THSD7B: variants seen among roughly 807,000 people sequenced by gnomAD.
THSD7B encodes thrombospondin type 1 domain containing 7B, also known as thrombospondin type-1 domain-containing protein 7B.
In THSD7B, 138 loss-of-function variants were observed where a neutral mutation model predicts 213.6. The ratio of observed to expected loss-of-function variants is 0.65; its 90% CI spans 0.56 to 0.74. The LOEUF (loss-of-function observed/expected upper bound fraction) is 0.74, where lower values mean the gene tolerates loss of function less well. Among genes scored for constraint, THSD7B ranks in the 30% least tolerant of loss-of-function variants. The pLI is 0.00. For missense variants in THSD7B, 1,931 were observed against 1,991.5 expected, an observed-to-expected ratio of 0.97 and a Z score of 0.58; for synonymous variants, 742 against 687.0, an observed-to-expected ratio of 1.08 and a Z score of -1.25.
intron 4 of THSD7B, among the ~76,000 whole-genome samples, chr2:137,095,814 G>C (rs1331733722): frequency 1.3e-5 from 2 of 152,086 alleles, no homozygotes; most frequent in African/African-American, 4.8e-5. Context: ...TCCCATCTCA[G>C]CCTCTCGAGT....
chr2:136,946,157 C>T (rs1304047587), intron 2 of THSD7B, among the ~76,000 whole-genome samples: 1 of 152,092 alleles, frequency 6.6e-6, no homozygotes, highest in East Asian at 1.9e-4. Context: ...TGTGGATGTC[C>T]TTTTTGTTGA....
intron 12 of THSD7B, among the ~76,000 whole-genome samples, chr2:137,364,603 AAC>A (rs1246243888): frequency 2.0e-5 from 3 of 151,826 alleles, no homozygotes; most frequent in African/African-American, 7.2e-5. Flanking sequence ...AGCAATGACA[AAC>A]AGAGAGCCAA....
intron 2 of THSD7B, among the ~76,000 whole-genome samples, chr2:136,919,056 T>C (rs1244130690): frequency 6.6e-6 from 1 of 152,212 alleles, no homozygotes; most frequent in Non-Finnish European, 1.5e-5. Flanking sequence ...TGGTTCTAGT[T>C]CCTTAAATTG....
At chr2:137,232,851 C>CAAGAA in intron 8 of THSD7B, 48 bp from the exon 9 acceptor site, 1 of 1,571,208 alleles carries the variant, frequency 6.4e-7, no homozygotes, top group Non-Finnish European at 8.7e-7. Flanking sequence ...ACAACAAAAA[C>CAAGAA]AAGAACAGCA....
At chr2:137,370,236 C>CTCAT (rs1311890259) in intron 12 of THSD7B, among the ~76,000 whole-genome samples, 2 of 152,000 alleles carry the variant, frequency 1.3e-5, no homozygotes, top group African/African-American at 4.8e-5. Flanking sequence ...GTTTTATTCA[C>CTCAT]TCATTCATTC....
intron 1 of THSD7B, among the ~76,000 whole-genome samples, chr2:136,861,294 A>G (rs1349459266): frequency 6.6e-6 from 1 of 152,138 alleles, no homozygotes; most frequent in African/African-American, 2.4e-5. Context: ...GATTTCTCCC[A>G]CTTATTTCTT....
chr2:137,645,572 A>G (rs1683015363), intron 21 of THSD7B, among the ~76,000 whole-genome samples: 1 of 152,122 alleles, frequency 6.6e-6, no homozygotes. Context: ...TGATCCCAAG[A>G]TACATACTAG....
At chr2:136,924,966 A>G (rs1244512008) in intron 2 of THSD7B, among the ~76,000 whole-genome samples, 1 of 152,082 alleles carries the variant, frequency 6.6e-6, no homozygotes, top group Non-Finnish European at 1.5e-5. Context: ...TCATTTTTGA[A>G]TTGACCATTG....
chr2:137,267,461 C>A (rs1329043620), intron 10 of THSD7B, among the ~76,000 whole-genome samples: 1 of 152,058 alleles, frequency 6.6e-6, no homozygotes, highest in Non-Finnish European at 1.5e-5. Flanking sequence ...AGAAGTATTC[C>A]TTTAAAATAA....
intron 2 of THSD7B, among the ~76,000 whole-genome samples, chr2:136,956,465 G>C (rs932823947): frequency 6.7e-6 from 1 of 148,194 alleles, no homozygotes. Context: ...TTCTCCCATC[G>C]TTAGTGTCCC....
In THSD7B at chr2:137,479,430, T is replaced by A; in HGVS notation, c.3138+28407T>A. The A allele has an allele frequency of 5.9e-6, 2 of 337,580 alleles. 1 individual carries two copies. The highest frequency in any genetic ancestry group is 4.4e-5 in the South Asian group (2 of 45,278). 20.9% of individuals were successfully genotyped at this position (337,580 alleles called of 1,614,324 possible). On this transcript the variant is annotated intron_variant, in intron 15 of 27. Coordinates refer to ENST00000409968, the MANE Select transcript of THSD7B (RefSeq NM_001316349.2). The stretch of plus-strand genomic sequence containing the variant: ...GCTTCCCAGTGGTGCATGCAGGTGC[T>A]GGCTGTGGCAGACAGGGATGGAGTG...
intron 20 of THSD7B, among the ~76,000 whole-genome samples, chr2:137,635,967 G>T (rs1682825858): frequency 6.6e-6 from 1 of 152,118 alleles, no homozygotes; most frequent in Non-Finnish European, 1.5e-5. Context: ...ATCCCAAACT[G>T]CTGGGATTAC....
intron 5 of THSD7B, among the ~76,000 whole-genome samples, chr2:137,121,427 T>C (rs1688544472): frequency 6.6e-6 from 1 of 152,196 alleles, no homozygotes; most frequent in Non-Finnish European, 1.5e-5. Context: ...ATGTGCAATG[T>C]GTTATATATT....
At position 136,979,995 on chromosome 2, in the gene THSD7B, A is replaced by T. The variant is rs906572725; in HGVS notation, c.140-76425A>T. Among the ~76,000 whole-genome samples the T allele has an allele frequency of 2.9e-4, 43 of 149,928 alleles. 1 individual carries two copies. Among genetic ancestry groups the T allele is most frequent in the Middle Eastern group, 3.4e-3 (1 of 290 alleles). On this transcript the variant is annotated intron_variant, in intron 2 of 27. Coordinates refer to ENST00000409968, the MANE Select transcript of THSD7B (RefSeq NM_001316349.2). ...TTGTTGTTGCTGTCTGTCATCTAAA[A>T]TTTTTTTTTTAAACAGACTCATTTT...
intron 2 of THSD7B, among the ~76,000 whole-genome samples, chr2:136,887,300 TTG>T (rs3084772): frequency 8.2e-4 from 122 of 148,576 alleles, no homozygotes; most frequent in Middle Eastern, 3.5e-3. Context: ...TCCATATTTG[TTG>T]TGTGTGTGTG....
chr2:137,019,294 CG>C (rs1037249841), intron 2 of THSD7B, among the ~76,000 whole-genome samples: 1 of 152,074 alleles, frequency 6.6e-6, no homozygotes, highest in African/African-American at 2.4e-5. Context: ...ACTGAAAACC[CG>C]TATTTATGTT....
At chr2:137,213,382 TTATAA>T (rs1045806794) in intron 7 of THSD7B, among the ~76,000 whole-genome samples, 40 of 147,834 alleles carry the variant, frequency 2.7e-4, no homozygotes, top group African/African-American at 9.1e-4. Flanking sequence ...AGTATATATG[TTATAA>T]TATGTACTAT....
At chr2:136,902,113 A>G (rs1002094669) in intron 2 of THSD7B, among the ~76,000 whole-genome samples, 5 of 151,992 alleles carry the variant, frequency 3.3e-5, no homozygotes, top group African/African-American at 9.7e-5. Flanking sequence ...CTTGAATTTA[A>G]TGGTGCCACT....
intron 5 of THSD7B, among the ~76,000 whole-genome samples, chr2:137,138,176 A>AT (rs1573846967): frequency 1.3e-5 from 2 of 152,132 alleles, no homozygotes; most frequent in East Asian, 3.9e-4. Context: ...CATGATGAAT[A>AT]TTTTTTTGGA....
Sources: gnomAD v4.1 joint callset for allele counts (sites outside exome capture counted in the v4.1 genomes callset) on GRCh38, gnomAD v4.1.1 for gene constraint, MANE v1.5 for transcripts, NCBI Gene and HGNC (gene_info 2026-07-23, HGNC 2026-07-21) for gene names.